PTPRK: variants seen among roughly 807,000 people sequenced by gnomAD.
PTPRK encodes protein tyrosine phosphatase receptor type K, also known as receptor-type tyrosine-protein phosphatase kappa.
Under a neutral mutation model 178.0 loss-of-function variants are expected in PTPRK, and 75 were observed. The observed-to-expected ratio is 0.42, with a 90% CI of 0.35 to 0.51. The LOEUF is 0.51. Among genes scored for constraint, PTPRK ranks in the 20% least tolerant of loss-of-function variants. The pLI is 0.02. For synonymous variants in PTPRK, 637 were observed against 620.6 expected (o/e 1.03, Z -0.39); for missense variants, 1,441 against 1,797.8 (o/e 0.80, Z 3.59).
chr6:128,254,550 A>C (rs940343674), intron 3 of PTPRK, among the ~76,000 whole-genome samples: 1 of 152,208 alleles, frequency 6.6e-6, no homozygotes, highest in African/African-American at 2.4e-5. Flanking sequence ...AAATGAAGAC[A>C]TTAAAAGTAT....
intron 11 of PTPRK, among the ~76,000 whole-genome samples, chr6:128,071,364 T>C (rs1251018508): frequency 6.6e-6 from 1 of 151,998 alleles, no homozygotes; most frequent in Non-Finnish European, 1.5e-5. Context: ...TCTTTTAAAG[T>C]CATCTCTCAT....
intron 25 of PTPRK, among the ~76,000 whole-genome samples, chr6:127,980,303 T>A (rs1174722458): frequency 1.3e-5 from 2 of 151,094 alleles, no homozygotes; most frequent in Admixed American, 1.3e-4. Context: ...AGAGCGAAAC[T>A]CTGTCTCAAA....
intron 1 of PTPRK, among the ~76,000 whole-genome samples, chr6:128,415,686 TAAAC>T (rs1306701396): frequency 6.6e-6 from 1 of 152,140 alleles, no homozygotes; most frequent in Admixed American, 6.5e-5. Flanking sequence ...AATGGCATGA[TAAAC>T]AAACCCTAAT....
chr6:128,257,915 TAGTTCAAAGTTCC>T (rs1233378006), intron 3 of PTPRK, among the ~76,000 whole-genome samples: 2 of 152,146 alleles, frequency 1.3e-5, no homozygotes, highest in Non-Finnish European at 2.9e-5. Context: ...TCAACTAATC[TAGTTCAAAGTTCC>T]AGTTCTCAAA....
chr6:128,242,457 C>A, intron 4 of PTPRK, 64 bp downstream of exon 4: 1 of 1,572,302 alleles, frequency 6.4e-7, no homozygotes, highest in Non-Finnish European at 8.6e-7. Flanking sequence ...AATCAATAGT[C>A]ACTGCCAATA....
rs565928531 is a variant in PTPRK, at chr6:128,301,512, GATA to G, written c.495+20524_495+20526del. Among the ~76,000 whole-genome samples, 683 of 151,790 alleles carry G rather than the reference GATA, an allele frequency of 4.5e-3. 5 individuals carry two copies. The highest frequency in any genetic ancestry group is 0.013 in the African/African-American group (553 of 41,430). On this transcript the variant is annotated intron_variant, in intron 3 of 29. Coordinates refer to ENST00000368226, the MANE Select transcript of PTPRK (RefSeq NM_002844.4). ...CACATGCATTAATATTATTAGTTAC[GATA>G]ATAATAATAATATTAATCACTAACA...
chr6:127,972,938 G>A, intron 29 of PTPRK, 84 bp downstream of exon 29: 1 of 1,363,224 alleles, frequency 7.3e-7, no homozygotes, highest in South Asian at 1.2e-5. Context: ...GATTCCCTAT[G>A]TGTGTATGAA....
At chr6:128,420,730 T>C (rs779627073) in intron 1 of PTPRK, among the ~76,000 whole-genome samples, 1 of 152,166 alleles carries the variant, frequency 6.6e-6, no homozygotes, top group African/African-American at 2.4e-5. Context: ...TCACGAAAGA[T>C]TTTGTAAACT....
chr6:127,999,526 T>C (rs1008820904), intron 15 of PTPRK, among the ~76,000 whole-genome samples: 7 of 152,018 alleles, frequency 4.6e-5, no homozygotes, highest in African/African-American at 1.7e-4. Context: ...ATTACTGTTA[T>C]TGTTTTTATT....
In PTPRK at chr6:128,343,171, G is replaced by A. The variant is rs117599298; in HGVS notation, c.224-20861C>T. Among the ~76,000 whole-genome samples, 252 of 152,060 alleles carry A rather than the reference G, an allele frequency of 1.7e-3. 1 individual carries two copies. The highest frequency in any genetic ancestry group is 8.7e-3 in the East Asian group (45 of 5,174). On this transcript the variant is annotated intron_variant, in intron 2 of 29. Transcript: ENST00000368226. The stretch of plus-strand genomic sequence containing the variant: ...TTAATGTTGTTCTGGATATCGTAAC[G>A]CAGTAAGACAGATGATATATATATG...
At chr6:128,356,639 T>C (rs1052150227) in intron 2 of PTPRK, among the ~76,000 whole-genome samples, 2 of 152,218 alleles carry the variant, frequency 1.3e-5, no homozygotes, top group African/African-American at 4.8e-5. Context: ...CTTCAAGTAA[T>C]GGCTTTCATT....
chr6:128,419,644 GAC>G (rs1843249349), intron 1 of PTPRK, among the ~76,000 whole-genome samples: 1 of 151,790 alleles, frequency 6.6e-6, no homozygotes, highest in South Asian at 2.1e-4. Context: ...AAAAAGAAAA[GAC>G]AGAGAATGGA....
intron 1 of PTPRK, among the ~76,000 whole-genome samples, chr6:128,455,326 C>T (rs1848263241): frequency 6.6e-6 from 1 of 152,076 alleles, no homozygotes; most frequent in Non-Finnish European, 1.5e-5. Flanking sequence ...TCATTAAATA[C>T]ACTCATTTTC....
At chr6:127,999,491 T>C (rs1777545359) in intron 15 of PTPRK, among the ~76,000 whole-genome samples, 1 of 152,052 alleles carries the variant, frequency 6.6e-6, no homozygotes, top group South Asian at 2.1e-4. Context: ...CGTGCATTTA[T>C]ATTCAACCTC....
At chr6:128,089,385 G>A (rs775854938) in intron 8 of PTPRK, among the ~76,000 whole-genome samples, 5 of 152,204 alleles carry the variant, frequency 3.3e-5, no homozygotes, top group Non-Finnish European at 5.9e-5. Flanking sequence ...TAGTGCCATG[G>A]AGAGTAAAAA....
intron 7 of PTPRK, among the ~76,000 whole-genome samples, chr6:128,137,327 A>G (rs1160870886): frequency 6.6e-6 from 1 of 152,180 alleles, no homozygotes. Flanking sequence ...TAAGCCACCA[A>G]TTGCACTTGA....
chr6:128,111,073 A>G (rs1291590367), intron 7 of PTPRK, among the ~76,000 whole-genome samples: 1 of 152,192 alleles, frequency 6.6e-6, no homozygotes, highest in East Asian at 1.9e-4. Flanking sequence ...ATAGTTTTCT[A>G]TATTTTTGAG....
At chr6:128,435,833 G>C (rs944584012) in intron 1 of PTPRK, among the ~76,000 whole-genome samples, 7 of 152,108 alleles carry the variant, frequency 4.6e-5, no homozygotes, top group Admixed American at 6.5e-5. Flanking sequence ...AAGTTGTTGT[G>C]TGCTTTCTAG....
At chr6:128,169,894 A>T (rs1799993491) in intron 7 of PTPRK, among the ~76,000 whole-genome samples, 1 of 151,862 alleles carries the variant, frequency 6.6e-6, no homozygotes, top group Non-Finnish European at 1.5e-5. Context: ...GGCACTTTCC[A>T]GAACTATATG....
Sources: gnomAD v4.1 joint callset for allele counts (sites outside exome capture counted in the v4.1 genomes callset) on GRCh38, gnomAD v4.1.1 for gene constraint, MANE v1.5 for transcripts, NCBI Gene and HGNC (gene_info 2026-07-23, HGNC 2026-07-21) for gene names.